The following DCAF7 variants were observed in gnomAD, a reference collection of about 807,000 sequenced individuals.
DCAF7 encodes DDB1 and CUL4 associated factor 7.
In DCAF7, 4 loss-of-function variants were observed where a neutral mutation model predicts 41.2. The observed-to-expected ratio is 0.10, with a 90% CI of 0.05 to 0.22. The LOEUF (loss-of-function observed/expected upper bound fraction) is 0.22. DCAF7 is among the 10% of genes least tolerant of loss of function. DCAF7 has a pLI of 1.00. For missense variants in DCAF7, 131 were observed against 443.2 expected, an observed-to-expected ratio of 0.30 and a Z score of 6.32; for synonymous variants, 143 against 164.2, an observed-to-expected ratio of 0.87 and a Z score of 0.99.
At chr17:63,576,313 A>G (rs1451184620) in intron 1 of DCAF7, among the ~76,000 whole-genome samples, 1 of 152,154 alleles carries the variant, frequency 6.6e-6, no homozygotes, top group Admixed American at 6.6e-5. Context: ...GCGTAGTGGC[A>G]CATGCCTGTA....
At chr17:63,561,142 G>A (rs1051287695) in intron 1 of DCAF7, among the ~76,000 whole-genome samples, 3 of 152,142 alleles carry the variant, frequency 2.0e-5, no homozygotes, top group Admixed American at 6.5e-5. Context: ...GTGTGTGCCT[G>A]TAATCCCAGC....
rs532309421 is a variant in DCAF7, at chr17:63,582,982, C to G, written c.529-520C>G. On this transcript the variant is annotated intron_variant, in intron 4 of 6. Transcript: ENST00000614556. ...TGTGAATACAGGAACATCTAGGCCT[C>G]CCGTGACTCAAAATTTCTGTTACCT... Among the ~76,000 whole-genome samples the G allele has an allele frequency of 9.2e-5, 14 of 152,314 alleles. No individual in the cohort carries two copies. In the South Asian group the frequency reaches 2.7e-3, roughly 29 times the overall value.
At position 63,550,615 on chromosome 17, in the gene DCAF7, C is replaced by A; in HGVS notation, c.-63C>A. ...TCCCTTCGGACCCATAGATCTCAGG[C>A]TCGGCTCCCCGCCCGCCGCAGCCCA... On this transcript the variant is annotated 5_prime_UTR_variant, in exon 1 of 7. Transcript: ENST00000614556. The surrounding 1 kb of genome is among the most constrained non-coding windows in gnomAD (Gnocchi z 4.8). The A allele has an allele frequency of 6.3e-7, 1 of 1,593,340 alleles. No homozygotes were observed.
chr17:63,575,573 A>C (rs1396948591), intron 1 of DCAF7, among the ~76,000 whole-genome samples: 1 of 152,104 alleles, frequency 6.6e-6, no homozygotes, highest in East Asian at 1.9e-4. Flanking sequence ...GGTGGTGCGC[A>C]CCTGTAGTCC....
rs2033588253 is a variant in DCAF7, at chr17:63,578,667, TTCTCAGCCTCAGC to T, written c.297+41_297+53del. On this transcript the variant is annotated intron_variant, in intron 2 of 6. Transcript: ENST00000614556. ...TTATTAGCAGCCAGACAAGTGGGCT[TTCTCAGCCTCAGC>T]TGTTAGCAGTGAAAAGTCACAGAAC... 6 of 1,613,186 alleles carry T rather than the reference TTCTCAGCCTCAGC, an allele frequency of 3.7e-6. No homozygotes were observed. In the South Asian group the frequency reaches 6.6e-5, roughly 18 times the overall value.
At chr17:63,581,590 G>A (rs7503425) in intron 4 of DCAF7, among the ~76,000 whole-genome samples, 1 of 152,308 alleles carries the variant, frequency 6.6e-6, no homozygotes, top group East Asian at 1.9e-4. Flanking sequence ...GCCTCCCATG[G>A]CTGAACCAGC....
At chr17:63,579,550 A>G in intron 3 of DCAF7, 102 bp downstream of exon 3, 3 of 862,718 alleles carry the variant, frequency 3.5e-6, no homozygotes, top group Non-Finnish European at 5.5e-6. Flanking sequence ...CTCAGTGGGA[A>G]GTAGGCTAGG....
chr17:63,575,407 G>A (rs1413135026), intron 1 of DCAF7, among the ~76,000 whole-genome samples: 2 of 152,076 alleles, frequency 1.3e-5, no homozygotes, highest in South Asian at 4.1e-4. Context: ...ATTGCTGAAA[G>A]AAATTAAGGC....
At chr17:63,566,662 G>C (rs2033445470) in intron 1 of DCAF7, among the ~76,000 whole-genome samples, 1 of 152,138 alleles carries the variant, frequency 6.6e-6, no homozygotes, top group Admixed American at 6.6e-5. Flanking sequence ...GGCTGACACT[G>C]GTAATCCCAG....
intron 1 of DCAF7, among the ~76,000 whole-genome samples, chr17:63,554,520 C>G (rs963314551): frequency 1.3e-5 from 2 of 152,264 alleles, no homozygotes; most frequent in African/African-American, 4.8e-5. Context: ...TTCTGCCCTT[C>G]CATCCAAGTT....
chr17:63,570,450 T>C (rs1026528822), intron 1 of DCAF7, among the ~76,000 whole-genome samples: 4 of 150,688 alleles, frequency 2.7e-5, no homozygotes, highest in Admixed American at 1.3e-4. Flanking sequence ...AGACTCCGTC[T>C]CAAAAAAAAA....
chr17:63,557,931 CTG>C (rs2033327449), intron 1 of DCAF7, among the ~76,000 whole-genome samples: 1 of 152,202 alleles, frequency 6.6e-6, no homozygotes, highest in South Asian at 2.1e-4. Flanking sequence ...GTGTCTCACT[CTG>C]TTGCCCAGGC....
intron 1 of DCAF7, among the ~76,000 whole-genome samples, chr17:63,567,979 A>T (rs2033462963): frequency 6.6e-6 from 1 of 151,138 alleles, no homozygotes; most frequent in Non-Finnish European, 1.5e-5. Flanking sequence ...ATCCTTCTTA[A>T]ATATAGCATG....
At chr17:63,585,474 G>A in intron 6 of DCAF7, 146 bp downstream of exon 6, 1 of 704,246 alleles carries the variant, frequency 1.4e-6, no homozygotes, top group South Asian at 1.9e-5. Context: ...CCACACTTGT[G>A]AAATTCAATC....
In DCAF7 at chr17:63,561,887, G is replaced by A. The variant is rs967011218; in HGVS notation, c.138+11072G>A. Among the ~76,000 whole-genome samples, 11 of 151,932 alleles carry A rather than the reference G, an allele frequency of 7.2e-5. No individual in the cohort carries two copies. The East Asian group carries it at 7.7e-4, about 11-fold the overall frequency. On this transcript the variant is annotated intron_variant, in intron 1 of 6. Coordinates refer to ENST00000614556, the MANE Select transcript of DCAF7 (RefSeq NM_005828.5). ...TACATATCAAAACTTACAGGAAGGT[G>A]AGGAACCTGAAGCTCAGCTATGTGC...
At chr17:63,556,295 C>T (rs564152632) in intron 1 of DCAF7, among the ~76,000 whole-genome samples, 2 of 152,198 alleles carry the variant, frequency 1.3e-5, no homozygotes, top group African/African-American at 4.8e-5. Context: ...TATGGCCAGG[C>T]GCAGTGGCTC....
rs1441284643 is a variant in DCAF7, at chr17:63,590,644, G to A, written c.*1472G>A. ...TGAGCCCTTGGGGCAGGCAGTTTGG[G>A]ATGTGCTCTTGGGGGAAAGTTGGCT... On this transcript the variant is annotated 3_prime_UTR_variant, in exon 7 of 7. Transcript: ENST00000614556. 1 of 152,744 alleles carries A rather than the reference G, an allele frequency of 6.5e-6. No homozygotes were observed. Among genetic ancestry groups the A allele is most frequent in the East Asian group, 1.9e-4 (1 of 5,200 alleles). 9.5% of individuals were successfully genotyped at this position (152,744 alleles called of 1,614,324 possible).
At chr17:63,573,929 C>G (rs1390534393) in intron 1 of DCAF7, among the ~76,000 whole-genome samples, 1 of 152,096 alleles carries the variant, frequency 6.6e-6, no homozygotes, top group Admixed American at 6.6e-5. Flanking sequence ...TCCCGCCCAG[C>G]ACTACCAGAT....
rs1227392533 is a variant in DCAF7, at chr17:63,579,461, G to A, written c.409+13G>A. ...CCTTATCTTTTAGGTAAGGGAGTTA[G>A]GGAGTATGTATTTCAGCTGGAAGAA... is the stretch of plus-strand genomic sequence containing the variant. On this transcript the variant is annotated intron_variant, in intron 3 of 6. Transcript: ENST00000614556. 1.9e-6 allele frequency: 3 copies of A among 1,574,854 alleles called. No individual in the cohort carries two copies. The South Asian group carries it at 3.5e-5, about 18-fold the overall frequency.
Sources: gnomAD v4.1 joint callset for allele counts (sites outside exome capture counted in the v4.1 genomes callset) on GRCh38, gnomAD v4.1.1 for gene constraint, Gnocchi (gnomAD v3.1) non-coding constraint, MANE v1.5 for transcripts, NCBI Gene and HGNC (gene_info 2026-07-23, HGNC 2026-07-21) for gene names.